CROT: variants seen among roughly 807,000 people sequenced by gnomAD.
CROT encodes the protein carnitine O-octanoyltransferase.
Under a neutral mutation model 89.2 loss-of-function variants are expected in CROT, and 84 were observed. That is an observed-to-expected ratio of 0.94 (90% CI 0.79 to 1.13). CROT has a LOEUF of 1.13. Among genes scored for constraint, CROT ranks in the 50% most tolerant of loss-of-function variants. The pLI, the probability that CROT is intolerant of heterozygous loss-of-function variation, is 0.00. For synonymous variants in CROT, 212 were observed against 239.5 expected (o/e 0.89, Z 1.06); for missense variants, 711 against 727.8 (o/e 0.98, Z 0.27).
chr7:87,350,819 C>T (rs1408252228), intron 3 of CROT, among the ~76,000 whole-genome samples: 2 of 152,150 alleles, frequency 1.3e-5, no homozygotes, highest in African/African-American at 4.8e-5. Flanking sequence ...GGTGTCATGT[C>T]TCTCAAGGCA....
chr7:87,379,142 T>G (rs1280902828), intron 10 of CROT, among the ~76,000 whole-genome samples: 2 of 152,180 alleles, frequency 1.3e-5, no homozygotes, highest in Non-Finnish European at 2.9e-5. Context: ...GCCCCCTGGC[T>G]TCTTCCCTTC....
chr7:87,387,641 G>A (rs1180695153), intron 13 of CROT, among the ~76,000 whole-genome samples: 4 of 152,028 alleles, frequency 2.6e-5, no homozygotes, highest in Non-Finnish European at 5.9e-5. Flanking sequence ...CTAGAGAAAG[G>A]AAATTTTTGT....
chr7:87,349,523 A>G (rs77655428), intron 3 of CROT, among the ~76,000 whole-genome samples: 7,596 of 152,282 alleles, frequency 0.05, 457 homozygotes, highest in African/African-American at 0.14. Flanking sequence ...TAAAGAAAAC[A>G]ATCCTTGACA....
At chr7:87,348,220 A>C (rs1372718382) in intron 2 of CROT, among the ~76,000 whole-genome samples, 2 of 151,834 alleles carry the variant, frequency 1.3e-5, no homozygotes, top group East Asian at 3.9e-4. Flanking sequence ...TAATATAATT[A>C]ATATATGATA....
At chr7:87,391,735 A>C in intron 14 of CROT, 23 bp downstream of exon 14, 1 of 1,595,762 alleles carries the variant, frequency 6.3e-7, no homozygotes, top group Non-Finnish European at 8.5e-7. Context: ...AAGGAAAAAA[A>C]CTCACAAGAT....
At chr7:87,357,000 T>C (rs6945385) in intron 3 of CROT, among the ~76,000 whole-genome samples, 19,854 of 152,038 alleles carry the variant, frequency 0.13, 2,128 homozygotes, top group African/African-American at 0.29. Context: ...CCAGCCTGGG[T>C]GATAGAGCGA....
intron 7 of CROT, among the ~76,000 whole-genome samples, chr7:87,370,912 A>G (rs1806611568): frequency 6.6e-6 from 1 of 152,228 alleles, no homozygotes; most frequent in Non-Finnish European, 1.5e-5. Context: ...AGTTTTCCAA[A>G]GTAGTTATGT....
At chr7:87,352,162 T>C (rs1309534867) in intron 3 of CROT, among the ~76,000 whole-genome samples, 1 of 152,216 alleles carries the variant, frequency 6.6e-6, no homozygotes, top group African/African-American at 2.4e-5. Flanking sequence ...TTGGATGCCC[T>C]TTGGCCAAGA....
At chr7:87,356,571 C>A (rs1053798919) in intron 3 of CROT, among the ~76,000 whole-genome samples, 3 of 152,284 alleles carry the variant, frequency 2.0e-5, no homozygotes, top group Middle Eastern at 3.4e-3. Flanking sequence ...TGTTTAATTT[C>A]ATAGTTGCAG....
intron 10 of CROT, 149 bp from the exon 11 acceptor site, chr7:87,381,761 T>C: frequency 1.8e-6 from 1 of 556,646 alleles, no homozygotes; most frequent in Non-Finnish European, 3.1e-6. Flanking sequence ...TAGGGAATCT[T>C]CTATCTTATC....
rs558392149 is a variant in CROT at position 87,356,996 on chromosome 7, T to C, written c.116-2210T>C. ...AAGATTGCACCATTGCACTCCAGCCTGGGTGATAGAGCGAGACTCTGTCTC... is the reference window on the plus strand; with the variant it reads ...AAGATTGCACCATTGCACTCCAGCCCGGGTGATAGAGCGAGACTCTGTCTC... On this transcript the variant is annotated intron_variant, in intron 3 of 17. Transcript: ENST00000331536. Among the ~76,000 whole-genome samples, 9 of 152,258 alleles carry C rather than the reference T, an allele frequency of 5.9e-5. No homozygotes were observed. In the South Asian group the frequency reaches 1.7e-3, roughly 28 times the overall value.
At position 87,398,876 on chromosome 7, in the gene CROT, A is replaced by T. The variant is rs1332357040; in HGVS notation, c.*232A>T. On this transcript the variant is annotated 3_prime_UTR_variant, in exon 18 of 18. Transcript: ENST00000331536. Reference sequence around the variant, plus strand: ...ATGCAGCAGCAATGCAAATTATGACATAGTGAATATAGAACTATGCAGTAT... The same window carrying T: ...ATGCAGCAGCAATGCAAATTATGACTTAGTGAATATAGAACTATGCAGTAT... The T allele has an allele frequency of 2.0e-6, 1 of 499,860 alleles. No individual in the cohort carries two copies. The highest frequency in any genetic ancestry group is 3.7e-5 in the East Asian group (1 of 27,298). The allele number at this position is 499,860 out of a possible 1,614,324, so 31.0% of individuals were successfully genotyped here.
chr7:87,398,095 T>G (rs1280426677), intron 17 of CROT, among the ~76,000 whole-genome samples: 1 of 112,824 alleles, frequency 8.9e-6, no homozygotes, highest in Non-Finnish European at 1.9e-5. Flanking sequence ...CCTATCATCC[T>G]TCTCTGCCTT....
intron 17 of CROT, among the ~76,000 whole-genome samples, chr7:87,395,968 TAAG>T (rs1240198810): frequency 2.6e-5 from 4 of 152,192 alleles, no homozygotes; most frequent in South Asian, 2.1e-4. Flanking sequence ...CCATTGTTGT[TAAG>T]AAGAAGTCAT....
intron 4 of CROT, chr7:87,359,629 C>G: frequency 1.8e-6 from 2 of 1,102,714 alleles, no homozygotes; most frequent in Non-Finnish European, 2.2e-6. Context: ...ATCTGTAGAC[C>G]ATGCTGAAGG....
intron 7 of CROT, among the ~76,000 whole-genome samples, chr7:87,371,778 G>A (rs1276491978): frequency 6.6e-6 from 1 of 151,984 alleles, no homozygotes; most frequent in Non-Finnish European, 1.5e-5. Context: ...ATCACTTAAG[G>A]CCAAGAGTTG....
chr7:87,357,558 G>T, intron 3 of CROT: 3 of 1,434,200 alleles, frequency 2.1e-6, no homozygotes, highest in Non-Finnish European at 2.9e-6. Flanking sequence ...GCTAAGAGAG[G>T]GTTCTTGGAT....
intron 17 of CROT, chr7:87,398,209 A>G (rs1807607823): frequency 6.1e-6 from 3 of 492,660 alleles, no homozygotes; most frequent in Non-Finnish European, 1.2e-5. Context: ...GTAGCACTTT[A>G]GGAAGGACTT....
intron 10 of CROT, among the ~76,000 whole-genome samples, chr7:87,378,835 G>A (rs1280997685): frequency 2.0e-5 from 3 of 152,150 alleles, no homozygotes; most frequent in Non-Finnish European, 4.4e-5. Flanking sequence ...GTGCTTGGTT[G>A]CCTAAAGAAC....
Sources: allele counts gnomAD v4.1 joint callset (sites outside exome capture counted in the v4.1 genomes callset), GRCh38; gene constraint gnomAD v4.1.1; transcripts MANE v1.5; gene names NCBI Gene and HGNC (gene_info 2026-07-23, HGNC 2026-07-21).